Variants in VAV3 observed in about 807,000 individuals in gnomAD.
The protein encoded by VAV3 is guanine nucleotide exchange factor VAV3.
Under a neutral mutation model 131.2 loss-of-function variants are expected in VAV3, and 94 were observed. The observed-to-expected ratio is 0.72, with a 90% CI of 0.61 to 0.85. The LOEUF is 0.85. VAV3 is among the 40% of genes least tolerant of loss of function. The probability of loss-of-function intolerance (pLI) is 0.00; values close to 1 mark genes in which losing one functional copy is unlikely to be tolerated. For missense variants in VAV3, 939 were observed against 1,002.7 expected, an observed-to-expected ratio of 0.94 and a Z score of 0.86; for synonymous variants, 349 against 342.0, an observed-to-expected ratio of 1.02 and a Z score of -0.22.
chr1:107,855,933 A>C (rs745619491), intron 2 of VAV3, among the ~76,000 whole-genome samples: 20 of 152,212 alleles, frequency 1.3e-4, no homozygotes, highest in Admixed American at 2.6e-4. Context: ...CCCAGAAAAC[A>C]GTGCAGTGCT....
intron 1 of VAV3, among the ~76,000 whole-genome samples, chr1:107,950,355 T>C (rs1388173037): frequency 1.3e-5 from 2 of 152,082 alleles, no homozygotes; most frequent in African/African-American, 4.8e-5. Context: ...CATTGTAGTG[T>C]GTGGAATGGG....
At chr1:107,823,791 G>A (rs1410333605) in intron 2 of VAV3, among the ~76,000 whole-genome samples, 1 of 152,150 alleles carries the variant, frequency 6.6e-6, no homozygotes, top group African/African-American at 2.4e-5. Context: ...GTCCTTATAA[G>A]AAGAGAAGCC....
At chr1:107,895,617 C>A (rs952275318) in intron 1 of VAV3, among the ~76,000 whole-genome samples, 1 of 152,128 alleles carries the variant, frequency 6.6e-6, no homozygotes, top group Non-Finnish European at 1.5e-5. Flanking sequence ...TTACTAAACA[C>A]CTCACTATGC....
chr1:107,706,821 T>C (rs948405390), intron 15 of VAV3, among the ~76,000 whole-genome samples: 1 of 151,150 alleles, frequency 6.6e-6, no homozygotes, highest in Admixed American at 6.6e-5. Context: ...CAACCTGGAG[T>C]TTTCAAACAG....
At chr1:107,911,863 T>C (rs1672386241) in intron 1 of VAV3, among the ~76,000 whole-genome samples, 1 of 152,230 alleles carries the variant, frequency 6.6e-6, no homozygotes, top group African/African-American at 2.4e-5. Flanking sequence ...TAGATTCCTC[T>C]GTCCATCAAT....
intron 19 of VAV3, among the ~76,000 whole-genome samples, chr1:107,648,355 A>G (rs1655895397): frequency 6.6e-6 from 1 of 152,006 alleles, no homozygotes; most frequent in Admixed American, 6.6e-5. Flanking sequence ...AGTTTTTTTC[A>G]CCTTTATTAA....
intron 1 of VAV3, 161 bp downstream of exon 1, chr1:107,964,505 G>GT (rs773656202): frequency 5.2e-5 from 37 of 713,164 alleles, no homozygotes; most frequent in Non-Finnish European, 7.4e-5. Flanking sequence ...TCAAGCCAAG[G>GT]TAGGAAACGC....
At chr1:107,736,603 A>T (rs573550048) in intron 15 of VAV3, among the ~76,000 whole-genome samples, 1 of 152,332 alleles carries the variant, frequency 6.6e-6, no homozygotes, top group East Asian at 1.9e-4. Context: ...TCCCATTCAC[A>T]ATTGCTACAA....
intron 1 of VAV3, among the ~76,000 whole-genome samples, chr1:107,879,711 CA>C (rs11357806): frequency 0.78 from 118,191 of 150,628 alleles, 46,311 homozygotes; most frequent in Non-Finnish European, 0.8. Flanking sequence ...CTATTTTTGA[CA>C]AAAAAAAAAA....
At chr1:107,603,819 T>A (rs1322149840) in intron 22 of VAV3, among the ~76,000 whole-genome samples, 1 of 138,104 alleles carries the variant, frequency 7.2e-6, no homozygotes, top group African/African-American at 2.7e-5. Context: ...TTTTTTTTTT[T>A]TTTTGAGACA....
chr1:107,754,375 G>A (rs958766309), intron 12 of VAV3, among the ~76,000 whole-genome samples: 4 of 152,180 alleles, frequency 2.6e-5, no homozygotes, highest in African/African-American at 9.7e-5. Context: ...TGTGTGAAAA[G>A]AAAGAGACAG....
intron 2 of VAV3, among the ~76,000 whole-genome samples, chr1:107,796,464 T>C (rs1486130942): frequency 6.6e-6 from 1 of 152,184 alleles, no homozygotes; most frequent in African/African-American, 2.4e-5. Context: ...TGTCCATATA[T>C]ATTCATATTC....
chr1:107,878,089 C>A (rs947376141), intron 1 of VAV3, among the ~76,000 whole-genome samples: 1 of 152,112 alleles, frequency 6.6e-6, no homozygotes, highest in Non-Finnish European at 1.5e-5. Context: ...AATGAACATT[C>A]CATCTACATG....
At chr1:107,817,076 A>G (rs2102348061) in intron 2 of VAV3, among the ~76,000 whole-genome samples, 1 of 152,334 alleles carries the variant, frequency 6.6e-6, no homozygotes, top group African/African-American at 2.4e-5. Context: ...AGAGGTGCTA[A>G]GGTATCTTTC....
At chr1:107,902,938 G>T (rs1269499672) in intron 1 of VAV3, among the ~76,000 whole-genome samples, 1 of 152,082 alleles carries the variant, frequency 6.6e-6, no homozygotes, top group African/African-American at 2.4e-5. Context: ...GAATCCCAAT[G>T]GCTAACATTG....
At chr1:107,828,683 AGTTGG>A (rs1668117243) in intron 2 of VAV3, among the ~76,000 whole-genome samples, 1 of 152,158 alleles carries the variant, frequency 6.6e-6, no homozygotes, top group South Asian at 2.1e-4. Context: ...TCTCCAAGCC[AGTTGG>A]AAAAGGTTCT....
rs146930915 is a variant in VAV3, at chr1:107,769,602, T to G, written c.648+1034A>C. Among the ~76,000 whole-genome samples the G allele has an allele frequency of 3.3e-5, 5 of 152,368 alleles. No homozygotes were observed. In the East Asian group the frequency reaches 9.6e-4, roughly 29 times the overall value. ...TGTGATGATAATGGCCCAATCTATT[T>G]GTCAATTCAGTCTTTCCCCTTAATG... On this transcript the variant is annotated intron_variant, in intron 6 of 26. Transcript: ENST00000370056.
intron 2 of VAV3, among the ~76,000 whole-genome samples, chr1:107,809,081 T>C (rs571304468): frequency 1.9e-4 from 29 of 152,192 alleles, no homozygotes; most frequent in South Asian, 6.2e-4. Context: ...AGATCATGCG[T>C]CTGCTCCTTA....
In VAV3 at chr1:107,891,795, C is replaced by T. The variant is rs1055712628; in HGVS notation, c.205-16778G>A. Among the ~76,000 whole-genome samples the T allele has an allele frequency of 5.5e-5, 8 of 145,136 alleles. No homozygotes were observed. The South Asian group carries it at 1.3e-3, about 24-fold the overall frequency. Reference sequence around the variant, plus strand: ...CAGAGGTTGCAGTGTGCGGAGACCGCGCCATTGCAGTCCAGCCTGGGGGAC... The same window carrying T: ...CAGAGGTTGCAGTGTGCGGAGACCGTGCCATTGCAGTCCAGCCTGGGGGAC... On this transcript the variant is annotated intron_variant, in intron 1 of 26. Transcript: ENST00000370056.
Sources: allele counts gnomAD v4.1 joint callset (sites outside exome capture counted in the v4.1 genomes callset), GRCh38; gene constraint gnomAD v4.1.1; transcripts MANE v1.5; gene names NCBI Gene and HGNC (gene_info 2026-07-23, HGNC 2026-07-21).